The following PRKCB variants were observed in gnomAD, a reference collection of about 807,000 sequenced individuals.
PRKCB encodes the protein protein kinase C beta type.
A neutral mutation model predicts 81.5 loss-of-function variants in PRKCB; 13 were observed. That is an observed-to-expected ratio of 0.16 (90% CI 0.10 to 0.25). The LOEUF (loss-of-function observed/expected upper bound fraction) is 0.25, where lower values mean the gene tolerates loss of function less well. Ranked by LOEUF, PRKCB falls within the 10% of genes least tolerant of loss-of-function variation. The probability of loss-of-function intolerance (pLI) is 1.00; values close to 1 mark genes in which losing one functional copy is unlikely to be tolerated. For synonymous variants in PRKCB, 335 were observed against 321.4 expected, an observed-to-expected ratio of 1.04 and a Z score of -0.45; for missense variants, 509 against 875.7, an observed-to-expected ratio of 0.58 and a Z score of 5.29.
At chr16:24,128,656 C>T (rs1450623009) in intron 9 of PRKCB, among the ~76,000 whole-genome samples, 1 of 152,122 alleles carries the variant, frequency 6.6e-6, no homozygotes, top group African/African-American at 2.4e-5. Context: ...CCTTCTAGGA[C>T]TTTTAATACA....
intron 10 of PRKCB, among the ~76,000 whole-genome samples, chr16:24,160,162 G>C (rs1967231010): frequency 1.3e-5 from 2 of 148,186 alleles, no homozygotes; most frequent in Non-Finnish European, 3.0e-5. Context: ...CAGGGCTTGA[G>C]CTCAGGTTTT....
At chr16:23,988,290 AG>A (rs2141821489) in intron 2 of PRKCB, among the ~76,000 whole-genome samples, 1 of 152,354 alleles carries the variant, frequency 6.6e-6, no homozygotes. Flanking sequence ...AGCTAACTTT[AG>A]AAGTTTAACT....
At chr16:23,885,156 G>T (rs1056554390) in intron 2 of PRKCB, among the ~76,000 whole-genome samples, 2 of 152,110 alleles carry the variant, frequency 1.3e-5, no homozygotes, top group Admixed American at 6.5e-5. Context: ...CTAACTCTAT[G>T]ATTTAACCTT....
chr16:23,997,599 T>C (rs952956299), intron 3 of PRKCB, among the ~76,000 whole-genome samples: 1 of 152,252 alleles, frequency 6.6e-6, no homozygotes, highest in East Asian at 1.9e-4. Context: ...TATATATACA[T>C]ATGGTGAGCA....
intron 8 of PRKCB, among the ~76,000 whole-genome samples, chr16:24,122,486 A>C (rs1596557654): frequency 8.6e-6 from 1 of 116,328 alleles, no homozygotes; most frequent in South Asian, 3.0e-4. Context: ...GAGAGATGGG[A>C]TCTCACTCTG....
chr16:23,903,066 A>G (rs1963508022), intron 2 of PRKCB, among the ~76,000 whole-genome samples: 1 of 147,282 alleles, frequency 6.8e-6, no homozygotes, highest in Admixed American at 6.8e-5. Context: ...TCCTGGCCTC[A>G]GGAGCCCTCC....
chr16:23,863,752 A>C (rs1962724851), intron 2 of PRKCB, among the ~76,000 whole-genome samples: 1 of 152,122 alleles, frequency 6.6e-6, no homozygotes, highest in Non-Finnish European at 1.5e-5. Context: ...TGGCTCCTAT[A>C]TTAAAATTGG....
chr16:23,894,872 C>CT (rs981185503), intron 2 of PRKCB, among the ~76,000 whole-genome samples: 18 of 151,058 alleles, frequency 1.2e-4, no homozygotes, highest in East Asian at 1.9e-4. Flanking sequence ...GCCATTTACT[C>CT]TTTTTTTTTG....
intron 7 of PRKCB, among the ~76,000 whole-genome samples, chr16:24,096,664 A>ATATATATATATATATATATATAT (rs1260873156): frequency 1.2e-5 from 1 of 85,432 alleles, no homozygotes; most frequent in African/African-American, 5.4e-5. Context: ...AAAAAAAAAA[A>ATATATATATATATATATATATAT]AAATATATAT....
chr16:23,978,224 C>T (rs921611588), intron 2 of PRKCB, among the ~76,000 whole-genome samples: 7 of 152,190 alleles, frequency 4.6e-5, no homozygotes, highest in African/African-American at 1.7e-4. Context: ...AACCCAGGGC[C>T]ACTGTTGGCT....
chr16:23,892,232 ATT>A (rs11331567), intron 2 of PRKCB, among the ~76,000 whole-genome samples: 4 of 152,036 alleles, frequency 2.6e-5, no homozygotes, highest in Admixed American at 6.6e-5. Context: ...GAAAACTTAC[ATT>A]TTTTTTCTCC....
chr16:24,158,889 A>C (rs1967210693), intron 10 of PRKCB, among the ~76,000 whole-genome samples: 2 of 152,080 alleles, frequency 1.3e-5, no homozygotes, highest in South Asian at 4.1e-4. Flanking sequence ...TCAATCTTCT[A>C]GGCTCAAGCA....
At chr16:23,860,900 A>T (rs1443355020) in intron 2 of PRKCB, among the ~76,000 whole-genome samples, 1 of 152,076 alleles carries the variant, frequency 6.6e-6, no homozygotes, top group Non-Finnish European at 1.5e-5. Flanking sequence ...AATGAGACTC[A>T]GTATAAAAAA....
chr16:23,884,838 G>C (rs1963174477), intron 2 of PRKCB, among the ~76,000 whole-genome samples: 1 of 152,026 alleles, frequency 6.6e-6, no homozygotes, highest in African/African-American at 2.4e-5. Context: ...ACAATGCCTA[G>C]CCCATATCTC....
At chr16:23,928,355 T>G (rs1597249679) in intron 2 of PRKCB, among the ~76,000 whole-genome samples, 2 of 152,192 alleles carry the variant, frequency 1.3e-5, no homozygotes, top group South Asian at 4.1e-4. Context: ...CTCGAACTCC[T>G]GACCTCAGGT....
chr16:23,926,218 C>T (rs1337956200), intron 2 of PRKCB, among the ~76,000 whole-genome samples: 1 of 152,096 alleles, frequency 6.6e-6, no homozygotes, highest in Admixed American at 6.5e-5. Flanking sequence ...CTGCAGTGAG[C>T]TATGATCACA....
At chr16:24,022,627 G>T (rs1364334110) in intron 3 of PRKCB, among the ~76,000 whole-genome samples, 1 of 152,098 alleles carries the variant, frequency 6.6e-6, no homozygotes, top group African/African-American at 2.4e-5. Flanking sequence ...GAGTAGCTGG[G>T]ACTAGAGGTG....
At chr16:24,103,891 C>T (rs905410669) in intron 7 of PRKCB, among the ~76,000 whole-genome samples, 13 of 152,150 alleles carry the variant, frequency 8.5e-5, no homozygotes, top group African/African-American at 2.9e-4. Context: ...CCATAGCCTC[C>T]GCCTTCCGGG....
At position 24,190,759 on chromosome 16, in the gene PRKCB, C is replaced by T. The variant is rs535274064; in HGVS notation, c.1723-331C>T. 3.3e-5 allele frequency among the ~76,000 whole-genome samples: 5 copies of T among 152,088 alleles called. No homozygotes were observed. The South Asian group carries it at 8.3e-4, about 25-fold the overall frequency. On this transcript the variant is annotated intron_variant, in intron 15 of 16. Coordinates refer to ENST00000643927, the MANE Select transcript of PRKCB (RefSeq NM_002738.7). The stretch of plus-strand genomic sequence containing the variant: ...GTCTCAATCTCTTGACCTTGTGATT[C>T]GCCCGCCTAGGCCTCCCAAAGTGCT...
Sources: gnomAD v4.1 joint callset for allele counts (sites outside exome capture counted in the v4.1 genomes callset) on GRCh38, gnomAD v4.1.1 for gene constraint, MANE v1.5 for transcripts, NCBI Gene and HGNC (gene_info 2026-07-23, HGNC 2026-07-21) for gene names.